Variants in PTPRM observed in about 807,000 individuals in gnomAD.
The protein encoded by PTPRM is receptor-type tyrosine-protein phosphatase mu.
In PTPRM, 47 loss-of-function variants were observed where a neutral mutation model predicts 186.7. That is an observed-to-expected ratio of 0.25 (90% CI 0.20 to 0.32). The LOEUF is 0.32. PTPRM is among the 10% of genes least tolerant of loss of function. The pLI is 1.00. For synonymous variants in PTPRM, 668 were observed against 674.9 expected (o/e 0.99, Z 0.16); for missense variants, 1,494 against 1,865.0 (o/e 0.80, Z 3.66).
intron 11 of PTPRM, among the ~76,000 whole-genome samples, chr18:8,106,136 A>G (rs908130225): frequency 7.2e-5 from 11 of 152,134 alleles, no homozygotes; most frequent in Admixed American, 4.6e-4. Flanking sequence ...AATGAGGAAG[A>G]CCCTGCCATT....
intron 1 of PTPRM, among the ~76,000 whole-genome samples, chr18:7,706,062 T>G (rs1539788): frequency 0.64 from 94,996 of 148,864 alleles, 32,197 homozygotes; most frequent in East Asian, 0.99. Flanking sequence ...TACATATATA[T>G]AGAGAGAGTA....
Position 7,888,322 on chromosome 18 carries a change from G to A in PTPRM, c.413G>A (p.Arg138His), listed in dbSNP as rs80101967. The change falls in exon 3 of 33, where the codon CGT becomes CAT. Residue 138 changes from arginine (R) to histidine (H), a missense_variant. Transcript: ENST00000580170. ...PIWNISGDPT[R>H]TWNRAELAIS... is the part of the protein sequence containing the mutation. The stretch of plus-strand genomic sequence containing the variant: ...TGGAATATATCTGGAGACCCAACAC[G>A]TACATGGAACAGGGCAGAACTGGCC... 248 of 1,614,160 alleles carry A rather than the reference G, an allele frequency of 1.5e-4. No homozygotes were observed. Among genetic ancestry groups the A allele is most frequent in the Admixed American group, 2.2e-4 (13 of 60,014 alleles).
At chr18:8,186,422 A>C (rs1033489653) in intron 14 of PTPRM, among the ~76,000 whole-genome samples, 5 of 151,942 alleles carry the variant, frequency 3.3e-5, no homozygotes, top group Admixed American at 3.3e-4. Context: ...TTAGCTTAAT[A>C]TGTATGAGGG....
intron 7 of PTPRM, among the ~76,000 whole-genome samples, chr18:8,039,237 A>G (rs576781580): frequency 6.1e-4 from 93 of 151,926 alleles, no homozygotes; most frequent in African/African-American, 2.1e-3. Flanking sequence ...GAAGCTTCAT[A>G]AAAAGTTGTA....
chr18:7,657,157 A>G (rs146741603), intron 1 of PTPRM, among the ~76,000 whole-genome samples: 15 of 152,196 alleles, frequency 9.9e-5, no homozygotes, highest in African/African-American at 3.6e-4. Context: ...CACCATACTT[A>G]CCCTCTGAGT....
chr18:7,681,469 G>A (rs2039478941), intron 1 of PTPRM, among the ~76,000 whole-genome samples: 1 of 151,966 alleles, frequency 6.6e-6, no homozygotes, highest in African/African-American at 2.4e-5. Flanking sequence ...GCTGTTACAC[G>A]GGCCATCAAG....
intron 1 of PTPRM, among the ~76,000 whole-genome samples, chr18:7,669,731 A>AT (rs1186787691): frequency 6.6e-6 from 1 of 151,570 alleles, no homozygotes; most frequent in Admixed American, 6.6e-5. Flanking sequence ...CTTTTACTTT[A>AT]TTTTTTTTGA....
chr18:8,388,720 G>A (rs1351585629), intron 31 of PTPRM, among the ~76,000 whole-genome samples: 1 of 152,300 alleles, frequency 6.6e-6, no homozygotes, highest in African/African-American at 2.4e-5. Context: ...CCAGCACTTT[G>A]GGAGACCAAG....
chr18:7,995,986 G>A (rs2083510751), intron 7 of PTPRM, among the ~76,000 whole-genome samples: 1 of 152,002 alleles, frequency 6.6e-6, no homozygotes, highest in Non-Finnish European at 1.5e-5. Flanking sequence ...TCTAATTCCA[G>A]TATTCCTTGG....
chr18:7,647,981 T>C (rs2038604926), intron 1 of PTPRM, among the ~76,000 whole-genome samples: 1 of 152,246 alleles, frequency 6.6e-6, no homozygotes, highest in Non-Finnish European at 1.5e-5. Flanking sequence ...AGATATACTT[T>C]TTTACAAATT....
intron 2 of PTPRM, among the ~76,000 whole-genome samples, chr18:7,833,766 A>ACAG (rs1417282398): frequency 1.3e-5 from 2 of 151,774 alleles, no homozygotes; most frequent in African/African-American, 2.4e-5. Context: ...AACAACAACA[A>ACAG]CAACAACAAC....
intron 2 of PTPRM, among the ~76,000 whole-genome samples, chr18:7,818,842 C>T (rs1337249799): frequency 1.3e-5 from 2 of 152,202 alleles, no homozygotes; most frequent in African/African-American, 4.8e-5. Flanking sequence ...ACAGCTCCTG[C>T]TGTCCATGGA....
intron 11 of PTPRM, among the ~76,000 whole-genome samples, chr18:8,102,541 G>A (rs886456356): frequency 6.6e-6 from 1 of 152,112 alleles, no homozygotes; most frequent in African/African-American, 2.4e-5. Context: ...CCCATAGGAA[G>A]CAACTGCTCA....
intron 1 of PTPRM, among the ~76,000 whole-genome samples, chr18:7,679,484 G>A (rs1195731626): frequency 6.6e-6 from 1 of 151,898 alleles, no homozygotes; most frequent in Non-Finnish European, 1.5e-5. Context: ...TGCCAACATG[G>A]TAAAACCCCG....
intron 2 of PTPRM, among the ~76,000 whole-genome samples, chr18:7,783,322 C>T (rs939730453): frequency 4.6e-5 from 7 of 152,230 alleles, no homozygotes; most frequent in African/African-American, 1.7e-4. Context: ...GGGACTCATG[C>T]TGGGCAGGGC....
chr18:8,322,458 AC>A (rs1026066538), intron 22 of PTPRM, among the ~76,000 whole-genome samples: 37 of 152,234 alleles, frequency 2.4e-4, no homozygotes, highest in African/African-American at 8.9e-4. Context: ...ATATATGATG[AC>A]CCAATATTAA....
At chr18:8,155,213 C>G (rs185047987) in intron 14 of PTPRM, 138 of 152,158 alleles carry the variant, frequency 9.1e-4, no homozygotes, top group African/African-American at 3.2e-3. Context: ...AATAATGTAT[C>G]TCAATAACAT....
chr18:7,880,908 A>G (rs2048473440), intron 2 of PTPRM, among the ~76,000 whole-genome samples: 1 of 152,218 alleles, frequency 6.6e-6, no homozygotes, highest in African/African-American at 2.4e-5. Context: ...GAGGAGTTGC[A>G]TTATGGTCTT....
chr18:7,974,748 A>G (rs186622042), intron 7 of PTPRM, among the ~76,000 whole-genome samples: 23 of 152,374 alleles, frequency 1.5e-4, no homozygotes, highest in Admixed American at 4.6e-4. Flanking sequence ...TCTAACGGGC[A>G]GAGAAGAATA....
Sources: allele counts gnomAD v4.1 joint callset (sites outside exome capture counted in the v4.1 genomes callset), GRCh38; gene constraint gnomAD v4.1.1; transcripts MANE v1.5; gene names NCBI Gene and HGNC (gene_info 2026-07-23, HGNC 2026-07-21).